GPM6A: variants seen among roughly 807,000 people sequenced by gnomAD.
GPM6A encodes the protein neuronal membrane glycoprotein M6-a.
Under a neutral mutation model 32.1 loss-of-function variants are expected in GPM6A, and 7 were observed. The ratio of observed to expected loss-of-function variants is 0.22; its 90% CI spans 0.12 to 0.41. The LOEUF is 0.41. Ranked by LOEUF, GPM6A falls within the 10% of genes least tolerant of loss-of-function variation. The pLI, the probability that GPM6A is intolerant of heterozygous loss-of-function variation, is 1.00. For synonymous variants in GPM6A, 130 were observed against 123.4 expected (o/e 1.05, Z -0.35); for missense variants, 235 against 347.2 (o/e 0.68, Z 2.57).
In GPM6A at chr4:175,633,767, AT is replaced by A. The variant is rs1299708855; in HGVS notation, c.*1137del. 1 of 152,536 alleles carries A rather than the reference AT, an allele frequency of 6.6e-6. No homozygotes were observed. Among genetic ancestry groups the A allele is most frequent in the Non-Finnish European group, 1.5e-5 (1 of 67,954 alleles). The allele number at this position is 152,536 out of a possible 1,614,324, so 9.4% of individuals were successfully genotyped here. A position where few individuals can be genotyped will look rare whatever the true frequency, so the allele number is the denominator to read the frequency against. ...TGACTTACTTGAAATAAAAACACAAATATATCACTACACTTTCAAACAATAC... is the reference window on the plus strand; with the variant it reads ...TGACTTACTTGAAATAAAAACACAAAATATCACTACACTTTCAAACAATAC... On this transcript the variant is annotated 3_prime_UTR_variant, in exon 7 of 7. Coordinates refer to ENST00000393658, the MANE Select transcript of GPM6A (RefSeq NM_201591.3).
At chr4:175,796,856 T>G (rs1482365360) in intron 1 of GPM6A, among the ~76,000 whole-genome samples, 1 of 152,200 alleles carries the variant, frequency 6.6e-6, no homozygotes, top group African/African-American at 2.4e-5. Context: ...CCCCCAGGAA[T>G]TAAACCTCAC....
At chr4:175,889,812 CAAACAAAACA>C (rs1210414347) in intron 1 of GPM6A, among the ~76,000 whole-genome samples, 2 of 149,576 alleles carry the variant, frequency 1.3e-5, no homozygotes, top group Non-Finnish European at 3.0e-5. Context: ...GACTCCGTCT[CAAACAAAACA>C]AAACAAAACA....
At chr4:175,724,370 C>A (rs947654673) in intron 1 of GPM6A, among the ~76,000 whole-genome samples, 8 of 152,140 alleles carry the variant, frequency 5.3e-5, no homozygotes, top group African/African-American at 1.9e-4. Context: ...CATGGTGAAA[C>A]CCCGTCTCGA....
Position 175,908,434 on chromosome 4 carries a change from C to A in GPM6A, c.-23+93875G>T, listed in dbSNP as rs1362789213. Among the ~76,000 whole-genome samples the A allele has an allele frequency of 2.0e-5, 3 of 152,090 alleles. No homozygotes were observed. The East Asian group carries it at 5.8e-4, about 29-fold the overall frequency. On this transcript the variant is annotated intron_variant, in intron 1 of 7. Transcript: ENST00000280187. ...AAGACTGCCAATATCCTACCAGTCT[C>A]TACAGGCTAGTGTTACTCATTCCCC... is the stretch of plus-strand genomic sequence containing the variant.
chr4:175,716,652 C>G (rs1441907800), intron 1 of GPM6A, among the ~76,000 whole-genome samples: 1 of 152,000 alleles, frequency 6.6e-6, no homozygotes, highest in Non-Finnish European at 1.5e-5. Context: ...ACACACAAAA[C>G]AACAACAGAG....
chr4:175,964,733 C>G (rs1740280399), intron 1 of GPM6A, among the ~76,000 whole-genome samples: 1 of 152,158 alleles, frequency 6.6e-6, no homozygotes, highest in Non-Finnish European at 1.5e-5. Context: ...GCACACAATT[C>G]AGTCCATTAC....
intron 1 of GPM6A, among the ~76,000 whole-genome samples, chr4:175,885,064 T>C (rs1737408653): frequency 6.6e-6 from 1 of 152,164 alleles, no homozygotes; most frequent in Non-Finnish European, 1.5e-5. Flanking sequence ...AGAATGTACA[T>C]ATGTATGTGC....
chr4:175,684,862 G>GTGTGT (rs1743888171), intron 2 of GPM6A, among the ~76,000 whole-genome samples: 1 of 151,902 alleles, frequency 6.6e-6, no homozygotes, highest in Admixed American at 6.6e-5. Flanking sequence ...GTGTGTGTGT[G>GTGTGT]TGTGTTTTGT....
intron 3 of GPM6A, among the ~76,000 whole-genome samples, chr4:175,653,928 T>A (rs181206326): frequency 2.0e-5 from 3 of 152,180 alleles, no homozygotes; most frequent in East Asian, 3.9e-4. Context: ...ATGAAGCACA[T>A]CAATAGGTGA....
chr4:175,803,754 T>C (rs1199796150), intron 1 of GPM6A, among the ~76,000 whole-genome samples: 2 of 152,066 alleles, frequency 1.3e-5, no homozygotes, highest in African/African-American at 2.4e-5. Flanking sequence ...AAACCAAAAG[T>C]CAATTGGCCA....
At chr4:175,758,977 C>T (rs2064181559) in intron 1 of GPM6A, among the ~76,000 whole-genome samples, 1 of 152,154 alleles carries the variant, frequency 6.6e-6, no homozygotes, top group Admixed American at 6.6e-5. Flanking sequence ...TCCTTGAGAC[C>T]TCAGCTGTTT....
chr4:175,804,116 A>C (rs930257902), intron 1 of GPM6A, among the ~76,000 whole-genome samples: 1 of 152,218 alleles, frequency 6.6e-6, no homozygotes, highest in African/African-American at 2.4e-5. Flanking sequence ...AACCACATTC[A>C]GTGTCATATC....
At chr4:175,743,226 C>T (rs1241263248) in intron 1 of GPM6A, among the ~76,000 whole-genome samples, 1 of 151,426 alleles carries the variant, frequency 6.6e-6, no homozygotes. Flanking sequence ...AATATAAGTA[C>T]AATTAACACA....
intron 2 of GPM6A, among the ~76,000 whole-genome samples, chr4:175,693,306 T>C (rs1744399672): frequency 6.8e-6 from 1 of 148,000 alleles, no homozygotes; most frequent in Non-Finnish European, 1.5e-5. Flanking sequence ...ATATAAAATA[T>C]ACATATATAA....
chr4:175,724,221 A>C (rs1410499629), intron 1 of GPM6A, among the ~76,000 whole-genome samples: 2 of 152,232 alleles, frequency 1.3e-5, no homozygotes, highest in Non-Finnish European at 2.9e-5. Flanking sequence ...GACAAATATC[A>C]TGTGATCTTA....
At chr4:175,762,271 AC>A (rs534879994) in intron 1 of GPM6A, among the ~76,000 whole-genome samples, 122 of 152,354 alleles carry the variant, frequency 8.0e-4, no homozygotes, top group African/African-American at 2.7e-3. Flanking sequence ...TTATCAACAA[AC>A]ACAAAAGAAA....
chr4:175,805,156 G>A (rs1381482758), intron 1 of GPM6A, among the ~76,000 whole-genome samples: 1 of 151,774 alleles, frequency 6.6e-6, no homozygotes, highest in Non-Finnish European at 1.5e-5. Flanking sequence ...AAGCTGTCAA[G>A]TTTTGGGGGG....
At position 175,927,890 on chromosome 4, in the gene GPM6A, G is replaced by GA. The variant is rs1035665494; in HGVS notation, c.-23+74418dup. Among the ~76,000 whole-genome samples, 4 of 151,408 alleles carry GA rather than the reference G, an allele frequency of 2.6e-5. No homozygotes were observed. In the South Asian group the frequency reaches 8.3e-4, roughly 32 times the overall value. Reference sequence around the variant, plus strand: ...ATAGAGCAAGACTCCGTCTCAAAAAGAAAAAAAAGAATAAAGATATAACTC... The same window carrying GA: ...ATAGAGCAAGACTCCGTCTCAAAAAGAAAAAAAAAGAATAAAGATATAACTC... On this transcript the variant is annotated intron_variant, in intron 1 of 7. Coordinates refer to the GPM6A transcript ENST00000280187.
At chr4:175,743,174 A>T (rs1731956259) in intron 1 of GPM6A, among the ~76,000 whole-genome samples, 1 of 150,232 alleles carries the variant, frequency 6.7e-6, no homozygotes, top group Non-Finnish European at 1.5e-5. Flanking sequence ...CTGTGAGCAG[A>T]TCTAGATTAA....
Sources: allele counts gnomAD v4.1 joint callset (sites outside exome capture counted in the v4.1 genomes callset), GRCh38; gene constraint gnomAD v4.1.1; transcripts MANE v1.5; gene names NCBI Gene and HGNC (gene_info 2026-07-23, HGNC 2026-07-21).